STK3: variants seen among roughly 807,000 people sequenced by gnomAD.
The protein encoded by STK3 is serine/threonine kinase 3, also known as serine/threonine-protein kinase 3.
STK3 carries 41 observed loss-of-function variants against 58.0 expected under a neutral mutation model. The ratio of observed to expected loss-of-function variants is 0.71; its 90% CI spans 0.55 to 0.92. STK3 has a LOEUF of 0.92. STK3 is among the 40% of genes least tolerant of loss of function. The pLI is 0.00. For synonymous variants in STK3, 170 were observed against 191.0 expected (o/e 0.89, Z 0.91); for missense variants, 479 against 602.7 (o/e 0.79, Z 2.15).
At chr8:98,650,556 C>T (rs898672805) in intron 6 of STK3, among the ~76,000 whole-genome samples, 12 of 152,206 alleles carry the variant, frequency 7.9e-5, no homozygotes, top group Admixed American at 3.3e-4. Flanking sequence ...ACTCGGGAAG[C>T]GCAAGGGGTC....
intron 9 of STK3, among the ~76,000 whole-genome samples, chr8:98,533,698 C>T (rs1179408318): frequency 6.6e-6 from 1 of 152,162 alleles, no homozygotes; most frequent in Non-Finnish European, 1.5e-5. Context: ...CTATGTTGCC[C>T]AGGCTGGTTT....
intron 3 of STK3, among the ~76,000 whole-genome samples, chr8:98,418,428 C>T: frequency 6.6e-6 from 1 of 152,192 alleles, no homozygotes; most frequent in East Asian, 1.9e-4. Flanking sequence ...ACCATGGAAA[C>T]AGGAGCCCAC....
At chr8:98,738,161 G>C (rs1828782283) in intron 4 of STK3, among the ~76,000 whole-genome samples, 1 of 152,196 alleles carries the variant, frequency 6.6e-6, no homozygotes, top group African/African-American at 2.4e-5. Flanking sequence ...AAGACTTTTT[G>C]TGGAGCTTGA....
At chr8:98,349,865 A>G in the STK3 span, among the ~76,000 whole-genome samples, 45 of 152,124 alleles carry the variant, frequency 3.0e-4, no homozygotes, top group African/African-American at 1.0e-3. Context: ...GGCCCAACCC[A>G]TGAAACCATT....
intron 4 of STK3, among the ~76,000 whole-genome samples, chr8:98,739,236 A>G (rs1346113883): frequency 6.6e-6 from 1 of 152,224 alleles, no homozygotes; most frequent in Non-Finnish European, 1.5e-5. Flanking sequence ...CTTTGAAGAC[A>G]GCAGTGGTTC....
intron 6 of STK3, among the ~76,000 whole-genome samples, chr8:98,698,102 C>T (rs1563903012): frequency 6.6e-6 from 1 of 152,084 alleles, no homozygotes; most frequent in Non-Finnish European, 1.5e-5. Flanking sequence ...GAATTGATCC[C>T]TTCACCATTA....
intron 6 of STK3, among the ~76,000 whole-genome samples, chr8:98,705,335 C>T (rs1049667484): frequency 6.6e-6 from 1 of 151,904 alleles, no homozygotes; most frequent in Non-Finnish European, 1.5e-5. Context: ...ATCACCTGAG[C>T]CCAGGAGGTC....
At chr8:98,894,399 A>T (rs1545377) in intron 1 of STK3, among the ~76,000 whole-genome samples, 145,827 of 152,294 alleles carry the variant, frequency 0.96, 69,884 homozygotes, top group East Asian at 1. Flanking sequence ...TACATCATTA[A>T]TCTCCTAGTC....
chr8:98,905,444 C>T (rs1228249867), intron 1 of STK3: 18 of 1,299,746 alleles, frequency 1.4e-5, no homozygotes, highest in East Asian at 2.3e-5. Flanking sequence ...ACTTGGTTGA[C>T]GCTTTGCTCT....
downstream of STK3, among the ~76,000 whole-genome samples, chr8:98,369,475 G>T (rs1417855211): frequency 6.6e-6 from 1 of 152,054 alleles, no homozygotes; most frequent in Non-Finnish European, 1.5e-5. Flanking sequence ...TGTGAAGGCT[G>T]GGCAGAAGGC....
chr8:98,784,448 G>A (rs1281688730), intron 1 of STK3, among the ~76,000 whole-genome samples: 2 of 152,214 alleles, frequency 1.3e-5, no homozygotes. Flanking sequence ...TGGTCTGCAT[G>A]TGCCATGATT....
intron 6 of STK3, among the ~76,000 whole-genome samples, chr8:98,640,051 C>A (rs1392332986): frequency 6.6e-6 from 1 of 152,052 alleles, no homozygotes; most frequent in Non-Finnish European, 1.5e-5. Flanking sequence ...CTATTCTATT[C>A]TATTCTATTC....
chr8:98,896,636 A>G (rs1163073197), intron 1 of STK3, among the ~76,000 whole-genome samples: 1 of 152,070 alleles, frequency 6.6e-6, no homozygotes, highest in Non-Finnish European at 1.5e-5. Context: ...CCTCCCCACT[A>G]CCCTTCAAAC....
intron 3 of STK3, among the ~76,000 whole-genome samples, chr8:98,410,887 T>C (rs1303171951): frequency 1.3e-5 from 2 of 152,336 alleles, no homozygotes; most frequent in East Asian, 1.9e-4. Flanking sequence ...CTCAGATCAA[T>C]AGGAGTTTTG....
intron 6 of STK3, among the ~76,000 whole-genome samples, chr8:98,694,736 A>C (rs1824720678): frequency 6.6e-6 from 1 of 152,114 alleles, no homozygotes; most frequent in Non-Finnish European, 1.5e-5. Context: ...ACATTTTCTT[A>C]ATCCAGTCTA....
intron 9 of STK3, among the ~76,000 whole-genome samples, chr8:98,535,627 T>C (rs1245392805): frequency 6.6e-6 from 1 of 152,176 alleles, no homozygotes; most frequent in Non-Finnish European, 1.5e-5. Context: ...ACTCTTACTT[T>C]GGACCTCTAT....
chr8:98,751,292 A>T (rs944903504), intron 3 of STK3, among the ~76,000 whole-genome samples: 2 of 152,198 alleles, frequency 1.3e-5, no homozygotes, highest in African/African-American at 4.8e-5. Context: ...GGTCATCCAA[A>T]TAGGAAGAGA....
At position 98,433,573 on chromosome 8, in the gene STK3, C is replaced by T. The variant is rs529293158; in HGVS notation, n.483+554G>A. ...CCTCTCCAAGCCTCACCTTCCACTG[C>T]TGCAAAATGAGAAGGTTGGATTAGA... On this transcript the variant is annotated intron_variant and non_coding_transcript_variant, in intron 3 of 3. Coordinates refer to the STK3 transcript ENST00000517832. Among the ~76,000 whole-genome samples the T allele has an allele frequency of 6.7e-3, 579 of 86,404 alleles. 3 individuals carry two copies. Among genetic ancestry groups the T allele is most frequent in the Non-Finnish European group, 0.012 (410 of 34,598 alleles). 56.7% of individuals were successfully genotyped at this position (86,404 alleles called of 152,430 possible).
the STK3 span, among the ~76,000 whole-genome samples, chr8:98,349,882 T>C: frequency 3.3e-5 from 5 of 151,912 alleles, no homozygotes; most frequent in Non-Finnish European, 7.4e-5. Context: ...CATTTTTTTC[T>C]CCTAGGCCTC....
Sources: gnomAD v4.1 joint callset for allele counts (sites outside exome capture counted in the v4.1 genomes callset) on GRCh38, gnomAD v4.1.1 for gene constraint, MANE v1.5 for transcripts, NCBI Gene and HGNC (gene_info 2026-07-23, HGNC 2026-07-21) for gene names.